SND1: variants seen among roughly 807,000 people sequenced by gnomAD.
SND1 encodes the protein staphylococcal nuclease domain-containing protein 1.
SND1 carries 38 observed loss-of-function variants against 121.7 expected under a neutral mutation model. The ratio of observed to expected loss-of-function variants is 0.31; its 90% CI spans 0.24 to 0.41. SND1 has a LOEUF of 0.41. Ranked by LOEUF, SND1 falls within the 10% of genes least tolerant of loss-of-function variation. The pLI, the probability that SND1 is intolerant of heterozygous loss-of-function variation, is 1.00. For missense variants in SND1, 868 were observed against 1,184.6 expected (o/e 0.73, Z 3.92); for synonymous variants, 401 against 447.4 (o/e 0.90, Z 1.31).
chr7:127,817,955 C>T (rs17151377), intron 11 of SND1, among the ~76,000 whole-genome samples: 3 of 151,750 alleles, frequency 2.0e-5, no homozygotes, highest in African/African-American at 4.8e-5. Flanking sequence ...ACAATGACGT[C>T]GAGATCCTCA....
intron 13 of SND1, among the ~76,000 whole-genome samples, chr7:127,898,611 C>T (rs560321620): frequency 5.1e-4 from 78 of 152,278 alleles, no homozygotes; most frequent in Non-Finnish European, 8.5e-4. Context: ...AGAAGTGCTT[C>T]GGAAGTTTAC....
At chr7:127,731,427 T>A (rs1158106803) in intron 10 of SND1, among the ~76,000 whole-genome samples, 1 of 152,242 alleles carries the variant, frequency 6.6e-6, no homozygotes, top group African/African-American at 2.4e-5. Context: ...TAGCTGTTCC[T>A]TTCAACGTAG....
intron 10 of SND1, among the ~76,000 whole-genome samples, chr7:127,802,661 A>G (rs1329311450): frequency 6.6e-6 from 1 of 152,026 alleles, no homozygotes; most frequent in Admixed American, 6.5e-5. Flanking sequence ...ACAACTCCCA[A>G]ACGTATTTTG....
intron 21 of SND1, 50 bp downstream of exon 21, chr7:128,087,101 A>G: frequency 7.2e-7 from 1 of 1,397,534 alleles, no homozygotes; most frequent in Non-Finnish European, 1.0e-6. Flanking sequence ...ACTGACACTT[A>G]GCCGCTGCAG....
intron 15 of SND1, among the ~76,000 whole-genome samples, chr7:127,974,967 G>C (rs989389617): frequency 6.6e-6 from 1 of 152,144 alleles, no homozygotes; most frequent in African/African-American, 2.4e-5. Flanking sequence ...TCAGACCTGG[G>C]GGGATCCATT....
intron 15 of SND1, among the ~76,000 whole-genome samples, chr7:127,949,971 A>G (rs1801424013): frequency 2.0e-5 from 3 of 152,196 alleles, no homozygotes; most frequent in African/African-American, 7.2e-5. Context: ...TTGAAAGAAA[A>G]CTGGAATGCT....
chr7:127,669,201 C>G (rs1432430007), intron 1 of SND1, among the ~76,000 whole-genome samples: 1 of 152,186 alleles, frequency 6.6e-6, no homozygotes, highest in Non-Finnish European at 1.5e-5. Context: ...CCAGGTTGGC[C>G]AGGCTGGTCT....
intron 10 of SND1, among the ~76,000 whole-genome samples, chr7:127,729,794 A>G (rs1239152319): frequency 1.3e-5 from 2 of 152,180 alleles, no homozygotes; most frequent in Non-Finnish European, 2.9e-5. Flanking sequence ...ACTGTTCTAG[A>G]AAAAAGCTTT....
intron 9 of SND1, among the ~76,000 whole-genome samples, chr7:127,708,825 T>C (rs1796250548): frequency 6.6e-6 from 1 of 152,238 alleles, no homozygotes; most frequent in Non-Finnish European, 1.5e-5. Flanking sequence ...TTTGTTTTTA[T>C]GGGCTAAAAG....
intron 16 of SND1, among the ~76,000 whole-genome samples, chr7:128,062,327 A>G (rs901644841): frequency 6.6e-6 from 1 of 152,198 alleles, no homozygotes; most frequent in African/African-American, 2.4e-5. Context: ...TGAGTTATGT[A>G]CAGGGGCATA....
chr7:128,018,868 A>G (rs1803285925), intron 16 of SND1, among the ~76,000 whole-genome samples: 1 of 152,180 alleles, frequency 6.6e-6, no homozygotes, highest in Non-Finnish European at 1.5e-5. Flanking sequence ...CCCTCAACTA[A>G]CATTGAAGCC....
chr7:127,714,089 G>T (rs1373883436), intron 9 of SND1, among the ~76,000 whole-genome samples: 2 of 152,054 alleles, frequency 1.3e-5, no homozygotes, highest in Non-Finnish European at 2.9e-5. Context: ...TGTGGGGGGT[G>T]GGGGAGGGAT....
At position 127,696,960 on chromosome 7, in the gene SND1, G is replaced by T. The variant is rs547829160; in HGVS notation, c.350-1915G>T. 1.9e-3 allele frequency among the ~76,000 whole-genome samples: 292 copies of T among 152,218 alleles called. 2 individuals carry two copies. The highest frequency in any genetic ancestry group is 3.0e-3 in the Non-Finnish European group (205 of 68,020). On this transcript the variant is annotated intron_variant, in intron 3 of 23. Coordinates refer to ENST00000354725, the MANE Select transcript of SND1 (RefSeq NM_014390.4). ...TTTAATGTTTAATATTTTCACTAAGGTATTTTAACTAACTCTTAATGCCAA... is the reference window on the plus strand; with the variant it reads ...TTTAATGTTTAATATTTTCACTAAGTTATTTTAACTAACTCTTAATGCCAA...
At chr7:127,985,310 T>A (rs1302131872) in intron 15 of SND1, among the ~76,000 whole-genome samples, 1 of 152,102 alleles carries the variant, frequency 6.6e-6, no homozygotes, top group Non-Finnish European at 1.5e-5. Flanking sequence ...CGGGCTAGAG[T>A]GCAGTGGTAC....
In SND1 at chr7:127,705,348, G is replaced by A. The variant is rs142530311; in HGVS notation, c.947+403G>A. On this transcript the variant is annotated intron_variant, in intron 8 of 23. Transcript: ENST00000354725. ...AGCAGGGGTATGATGGAAAGACAGA[G>A]CCTGTAGGTTTTAAACCAGGACCAT... Among the ~76,000 whole-genome samples the A allele has an allele frequency of 4.6e-5, 7 of 152,334 alleles. No individual in the cohort carries two copies. The East Asian group carries it at 1.4e-3, about 29-fold the overall frequency.
intron 11 of SND1, among the ~76,000 whole-genome samples, chr7:127,816,916 C>T (rs1226793703): frequency 2.6e-5 from 4 of 152,144 alleles, no homozygotes; most frequent in Non-Finnish European, 4.4e-5. Flanking sequence ...CTGCTTTGGC[C>T]TCCCAAAGTG....
intron 11 of SND1, among the ~76,000 whole-genome samples, chr7:127,830,283 T>C (rs1798714940): frequency 6.6e-6 from 1 of 152,034 alleles, no homozygotes; most frequent in South Asian, 2.1e-4. Flanking sequence ...CTCAGGGGGC[T>C]GAGACAGGAG....
intron 17 of SND1, among the ~76,000 whole-genome samples, chr7:128,075,707 C>T (rs1407906447): frequency 2.0e-5 from 3 of 152,124 alleles, no homozygotes; most frequent in Admixed American, 6.5e-5. Context: ...AAAGGTGGAC[C>T]ACAAAGCTAG....
intron 12 of SND1, among the ~76,000 whole-genome samples, chr7:127,887,205 C>T (rs1799926220): frequency 6.6e-6 from 1 of 151,982 alleles, no homozygotes; most frequent in Non-Finnish European, 1.5e-5. Context: ...TTGTGTTGTC[C>T]AGGCTGCTCA....
Sources: allele counts gnomAD v4.1 joint callset (sites outside exome capture counted in the v4.1 genomes callset), GRCh38; gene constraint gnomAD v4.1.1; transcripts MANE v1.5; gene names NCBI Gene and HGNC (gene_info 2026-07-23, HGNC 2026-07-21).